The following OLFM3 variants were observed in gnomAD, a reference collection of about 807,000 sequenced individuals.
The protein encoded by OLFM3 is olfactomedin 3, also known as noelin-3.
Under a neutral mutation model 48.6 loss-of-function variants are expected in OLFM3, and 20 were observed. The ratio of observed to expected loss-of-function variants is 0.41; its 90% CI spans 0.29 to 0.60. The LOEUF is 0.60. OLFM3 is among the 20% of genes least tolerant of loss of function. The probability of loss-of-function intolerance (pLI) is 0.28; values close to 1 mark genes in which losing one functional copy is unlikely to be tolerated. For synonymous variants in OLFM3, 222 were observed against 198.1 expected (o/e 1.12, Z -1.01); for missense variants, 437 against 544.3 (o/e 0.80, Z 1.96).
chr1:101,865,250 C>G (rs1656813068), intron 1 of OLFM3, among the ~76,000 whole-genome samples: 2 of 151,878 alleles, frequency 1.3e-5, no homozygotes, highest in South Asian at 4.1e-4. Context: ...ATTGGAACAG[C>G]CCTGGCCAAT....
chr1:101,950,996 A>G (rs1365315584), intron 1 of OLFM3, among the ~76,000 whole-genome samples: 1 of 152,198 alleles, frequency 6.6e-6, no homozygotes, highest in Non-Finnish European at 1.5e-5. Flanking sequence ...AAGAAAATCT[A>G]ACTTACATGG....
chr1:101,919,332 AT>A (rs1276876144), intron 1 of OLFM3, among the ~76,000 whole-genome samples: 2 of 151,760 alleles, frequency 1.3e-5, no homozygotes, highest in Non-Finnish European at 2.9e-5. Flanking sequence ...TCTATTTCCA[AT>A]TTTTTTTCTC....
chr1:101,957,356 C>T (rs896781423), intron 1 of OLFM3, among the ~76,000 whole-genome samples: 1 of 151,960 alleles, frequency 6.6e-6, no homozygotes, highest in African/African-American at 2.4e-5. Flanking sequence ...ATTTTACTTA[C>T]TTTTTAATTA....
intron 1 of OLFM3, among the ~76,000 whole-genome samples, chr1:101,840,451 C>G (rs1269045475): frequency 6.7e-6 from 1 of 148,452 alleles, no homozygotes; most frequent in Non-Finnish European, 1.5e-5. Flanking sequence ...GGGATTTGTA[C>G]TGAGAGAGTC....
At chr1:101,916,165 T>C (rs556092855) in intron 1 of OLFM3, among the ~76,000 whole-genome samples, 1 of 152,312 alleles carries the variant, frequency 6.6e-6, no homozygotes, top group African/African-American at 2.4e-5. Context: ...ATAGTTATTG[T>C]GAATTGTGTG....
intron 1 of OLFM3, among the ~76,000 whole-genome samples, chr1:101,989,180 G>C (rs929222324): frequency 1.3e-5 from 2 of 151,976 alleles, no homozygotes; most frequent in Non-Finnish European, 2.9e-5. Context: ...CCAGGGAGAG[G>C]CAAAACCATG....
intron 1 of OLFM3, among the ~76,000 whole-genome samples, chr1:101,863,385 C>A (rs1415103): frequency 0.071 from 10,850 of 152,302 alleles, 984 homozygotes; most frequent in East Asian, 0.33. Context: ...AGATTTACTT[C>A]TTTCTGCTAC....
At chr1:101,946,738 T>C (rs1053091967) in intron 1 of OLFM3, among the ~76,000 whole-genome samples, 1 of 152,152 alleles carries the variant, frequency 6.6e-6, no homozygotes, top group African/African-American at 2.4e-5. Flanking sequence ...GAGGTTCTAC[T>C]GAACTCTATA....
chr1:101,869,101 A>C (rs2100973507), intron 1 of OLFM3, among the ~76,000 whole-genome samples: 1 of 152,320 alleles, frequency 6.6e-6, no homozygotes, highest in East Asian at 1.9e-4. Context: ...CAGAGTTCCC[A>C]CTGGAGCACT....
intron 1 of OLFM3, among the ~76,000 whole-genome samples, chr1:101,938,870 A>T (rs1009880850): frequency 1.1e-4 from 17 of 152,178 alleles, no homozygotes; most frequent in African/African-American, 3.9e-4. Context: ...CATGTTTGCT[A>T]GGATAAATCC....
chr1:101,890,351 A>G (rs1657943290), intron 1 of OLFM3, among the ~76,000 whole-genome samples: 1 of 116,972 alleles, frequency 8.5e-6, no homozygotes, highest in Non-Finnish European at 2.0e-5. Context: ...AATTATGCCT[A>G]TAGACACACA....
intron 3 of OLFM3, among the ~76,000 whole-genome samples, chr1:101,825,527 C>T (rs1270411781): frequency 6.6e-6 from 1 of 152,054 alleles, no homozygotes. Flanking sequence ...ATGGTAGAAA[C>T]TAGGACTATA....
At chr1:101,875,993 T>G (rs879774791) in intron 1 of OLFM3, among the ~76,000 whole-genome samples, 4 of 152,068 alleles carry the variant, frequency 2.6e-5, no homozygotes, top group Non-Finnish European at 4.4e-5. Flanking sequence ...AAAGAGAATT[T>G]ATCAGAATTC....
intron 1 of OLFM3, among the ~76,000 whole-genome samples, chr1:101,932,631 G>GCAAAA (rs1174011546): frequency 4.6e-5 from 7 of 151,982 alleles, no homozygotes; most frequent in African/African-American, 1.2e-4. Context: ...GCAAAGCAAA[G>GCAAAA]CAAAACAAAA....
chr1:101,956,103 T>TTTTTTTTTTA (rs781231551), intron 1 of OLFM3, among the ~76,000 whole-genome samples: 29 of 143,348 alleles, frequency 2.0e-4, no homozygotes, highest in African/African-American at 6.6e-4. Context: ...TTTTTTTTTT[T>TTTTTTTTTTA]AAAAAAAACC....
At chr1:101,809,698 A>G (rs953697276) in intron 4 of OLFM3, among the ~76,000 whole-genome samples, 1 of 151,916 alleles carries the variant, frequency 6.6e-6, no homozygotes, top group Non-Finnish European at 1.5e-5. Context: ...GAATTGATAC[A>G]TAGATAGACT....
chr1:101,818,356 C>T (rs1001289469), intron 4 of OLFM3, among the ~76,000 whole-genome samples: 1 of 151,884 alleles, frequency 6.6e-6, no homozygotes, highest in East Asian at 1.9e-4. Flanking sequence ...TTACCAATTA[C>T]CAAAAATATG....
intron 1 of OLFM3, among the ~76,000 whole-genome samples, chr1:101,962,033 T>A (rs1313296910): frequency 1.3e-5 from 2 of 152,140 alleles, no homozygotes; most frequent in Non-Finnish European, 2.9e-5. Flanking sequence ...AATTACTCAA[T>A]TTTTTTAAGA....
chr1:101,881,469 T>G (rs772717933), intron 1 of OLFM3, among the ~76,000 whole-genome samples: 17 of 151,834 alleles, frequency 1.1e-4, no homozygotes, highest in Non-Finnish European at 2.4e-4. Flanking sequence ...GCATTGCCAG[T>G]TCAGTCTTTT....
Sources: gnomAD v4.1 joint callset for allele counts (sites outside exome capture counted in the v4.1 genomes callset) on GRCh38, gnomAD v4.1.1 for gene constraint, MANE v1.5 for transcripts, NCBI Gene and HGNC (gene_info 2026-07-23, HGNC 2026-07-21) for gene names.